Variants in FAM13A observed in about 807,000 individuals in gnomAD.
The protein encoded by FAM13A is protein FAM13A.
In FAM13A, 76 loss-of-function variants were observed where a neutral mutation model predicts 129.6. The ratio of observed to expected loss-of-function variants is 0.59; its 90% CI spans 0.49 to 0.71. FAM13A has a LOEUF of 0.71. FAM13A is among the 30% of genes least tolerant of loss of function. The pLI is 0.00. For synonymous variants in FAM13A, 443 were observed against 449.9 expected (o/e 0.98, Z 0.20); for missense variants, 1,108 against 1,249.3 (o/e 0.89, Z 1.70).
chr4:89,036,193 G>A (rs1284848273), intron 1 of FAM13A, among the ~76,000 whole-genome samples: 2 of 152,340 alleles, frequency 1.3e-5, no homozygotes, highest in South Asian at 4.1e-4. Context: ...TGCTGATAGT[G>A]ATGTGGACAA....
chr4:88,898,923 T>A (rs1211104682), intron 6 of FAM13A, among the ~76,000 whole-genome samples: 1 of 151,992 alleles, frequency 6.6e-6, no homozygotes, highest in Non-Finnish European at 1.5e-5. Context: ...CTACTAGGTA[T>A]CTACCCAAAG....
intron 8 of FAM13A, among the ~76,000 whole-genome samples, chr4:88,791,870 C>T (rs1158653138): frequency 1.3e-5 from 2 of 152,050 alleles, no homozygotes; most frequent in African/African-American, 4.8e-5. Flanking sequence ...TTTCATCACA[C>T]TCCCTCCCAC....
intron 4 of FAM13A, chr4:88,990,687 AG>A: frequency 4.7e-6 from 1 of 212,366 alleles, no homozygotes; most frequent in Non-Finnish European, 8.0e-6. Context: ...TTCTGATTAC[AG>A]ATTTTTTAAA....
chr4:88,909,638 C>T (rs1004238708), intron 5 of FAM13A, among the ~76,000 whole-genome samples: 1 of 152,088 alleles, frequency 6.6e-6, no homozygotes, highest in Non-Finnish European at 1.5e-5. Context: ...AGGTGTGCAC[C>T]ACCATGCCCA....
At chr4:88,838,465 C>T (rs903606706) in intron 7 of FAM13A, among the ~76,000 whole-genome samples, 4 of 152,114 alleles carry the variant, frequency 2.6e-5, no homozygotes, top group East Asian at 1.9e-4. Context: ...TGGCCGGGCA[C>T]GGTGGCTCAT....
At chr4:88,896,079 A>G (rs1199036652) in intron 6 of FAM13A, among the ~76,000 whole-genome samples, 2 of 151,024 alleles carry the variant, frequency 1.3e-5, no homozygotes, top group African/African-American at 4.9e-5. Context: ...ACCATGGAAT[A>G]CTATGCAGCC....
intron 5 of FAM13A, among the ~76,000 whole-genome samples, chr4:88,935,935 A>T (rs1579362573): frequency 6.6e-6 from 1 of 152,116 alleles, no homozygotes. Flanking sequence ...GTTAAAAAAA[A>T]TGCATTAAAA....
intron 1 of FAM13A, among the ~76,000 whole-genome samples, chr4:89,041,429 T>C (rs1770109582): frequency 6.6e-6 from 1 of 152,238 alleles, no homozygotes; most frequent in Non-Finnish European, 1.5e-5. Flanking sequence ...TGCAAATTTT[T>C]CTTGCTAAAA....
intron 4 of FAM13A, among the ~76,000 whole-genome samples, chr4:88,939,625 T>C (rs926205942): frequency 6.6e-6 from 1 of 152,184 alleles, no homozygotes; most frequent in Non-Finnish European, 1.5e-5. Flanking sequence ...TGGGTGTAGA[T>C]AGAACCTGTG....
At chr4:88,821,257 C>T (rs1341230598) in intron 7 of FAM13A, among the ~76,000 whole-genome samples, 1 of 152,176 alleles carries the variant, frequency 6.6e-6, no homozygotes, top group Non-Finnish European at 1.5e-5. Flanking sequence ...GTAAAGATTG[C>T]AGGGAAATCA....
intron 5 of FAM13A, among the ~76,000 whole-genome samples, chr4:88,916,463 G>C (rs1307766006): frequency 6.6e-6 from 1 of 152,216 alleles, no homozygotes; most frequent in Non-Finnish European, 1.5e-5. Flanking sequence ...TCGTTTAGGT[G>C]TCCATGTGTT....
At chr4:88,997,577 A>G (rs2149042203) in intron 3 of FAM13A, among the ~76,000 whole-genome samples, 1 of 152,112 alleles carries the variant, frequency 6.6e-6, no homozygotes, top group East Asian at 1.9e-4. Context: ...AATTATAATT[A>G]TAATCAGCAA....
chr4:89,055,391 T>C (rs952469017), intron 1 of FAM13A, among the ~76,000 whole-genome samples: 1 of 152,186 alleles, frequency 6.6e-6, no homozygotes. Flanking sequence ...CCAGAGTGAA[T>C]AATCTCTTAC....
chr4:88,853,669 T>G (rs1164192872), intron 6 of FAM13A, among the ~76,000 whole-genome samples: 1 of 152,206 alleles, frequency 6.6e-6, no homozygotes, highest in Non-Finnish European at 1.5e-5. Context: ...TAATACTGAG[T>G]GTCAACTTGA....
intron 3 of FAM13A, among the ~76,000 whole-genome samples, chr4:89,011,214 C>T (rs990136306): frequency 6.7e-6 from 1 of 148,296 alleles, no homozygotes; most frequent in Non-Finnish European, 1.5e-5. Context: ...TCTCTGGTAA[C>T]CTTCCTTTAA....
chr4:89,030,181 T>C (rs1269135914), intron 1 of FAM13A, among the ~76,000 whole-genome samples: 2 of 152,258 alleles, frequency 1.3e-5, no homozygotes, highest in South Asian at 2.1e-4. Flanking sequence ...TTCTGGAACA[T>C]AATATCAACT....
At chr4:88,917,075 A>C (rs1750240471) in intron 5 of FAM13A, among the ~76,000 whole-genome samples, 1 of 152,210 alleles carries the variant, frequency 6.6e-6, no homozygotes, top group Non-Finnish European at 1.5e-5. Context: ...CTACACATGG[A>C]TGCCAAATTA....
At chr4:88,866,525 T>C in intron 6 of FAM13A, among the ~76,000 whole-genome samples, 1 of 152,142 alleles carries the variant, frequency 6.6e-6, no homozygotes, top group East Asian at 1.9e-4. Flanking sequence ...ACCTTGCACA[T>C]AAAATTTGCT....
intron 4 of FAM13A, among the ~76,000 whole-genome samples, chr4:88,977,223 A>T (rs1761036357): frequency 1.3e-5 from 2 of 152,228 alleles, no homozygotes; most frequent in African/African-American, 4.8e-5. Flanking sequence ...AAGTTAAAAA[A>T]GGGTTACTTG....
Sources: allele counts gnomAD v4.1 joint callset (sites outside exome capture counted in the v4.1 genomes callset), GRCh38; gene constraint gnomAD v4.1.1; transcripts MANE v1.5; gene names NCBI Gene and HGNC (gene_info 2026-07-23, HGNC 2026-07-21).